SPECC1: variants seen among roughly 807,000 people sequenced by gnomAD.
The protein encoded by SPECC1 is cytospin-B.
SPECC1 carries 62 observed loss-of-function variants against 104.1 expected under a neutral mutation model. The observed-to-expected ratio is 0.60, with a 90% CI of 0.49 to 0.74. The LOEUF (loss-of-function observed/expected upper bound fraction) is 0.74. SPECC1 is among the 30% of genes least tolerant of loss of function. SPECC1 has a pLI of 0.00. For missense variants in SPECC1, 1,306 were observed against 1,310.5 expected (o/e 1.00, Z 0.05); for synonymous variants, 513 against 501.6 (o/e 1.02, Z -0.30).
In SPECC1 at chr17:20,314,757, G is replaced by T. The variant is rs916415250; in HGVS notation, c.*692G>T. The T allele has an allele frequency of 5.2e-6, 1 of 191,022 alleles. No individual in the cohort carries two copies. Among genetic ancestry groups the T allele is most frequent in the South Asian group, 2.1e-4 (1 of 4,750 alleles). The allele number at this position is 191,022 out of a possible 1,614,324, so 11.8% of individuals were successfully genotyped here. A position where few individuals can be genotyped will look rare whatever the true frequency, so the allele number is the denominator to read the frequency against. The stretch of plus-strand genomic sequence containing the variant: ...ATTTGTTCCAGGGCAACCTGGAAAC[G>T]TGCGTGCGCACTCAGCCTTTTGGGG... On this transcript the variant is annotated 3_prime_UTR_variant, in exon 15 of 15. Transcript: ENST00000395527.
chr17:20,076,865 G>A (rs535771849), intron 1 of SPECC1, among the ~76,000 whole-genome samples: 1 of 151,078 alleles, frequency 6.6e-6, no homozygotes, highest in Admixed American at 6.6e-5. Flanking sequence ...AGAACCAGCC[G>A]ACAGTATCAC....
chr17:20,205,672 A>C lies in SPECC1; in HGVS notation c.1623A>C (p.Arg541Ser), dbSNP rs112787638. The C allele has an allele frequency of 2.5e-6, 4 of 1,614,228 alleles. No individual in the cohort carries two copies. The highest frequency in any genetic ancestry group is 4.5e-5 in the East Asian group (2 of 44,880). Residue 541 changes from arginine (R) to serine (S), a missense_variant, in exon 4 of 15, where the codon AGA becomes AGC. Transcript: ENST00000395527. Reference sequence around the variant, plus strand: ...TGGCCAAAACTTTGGAAGAGTGTAGAGTTACCTTGGAAGGGCTAAAAATGG... The same window carrying C: ...TGGCCAAAACTTTGGAAGAGTGTAGCGTTACCTTGGAAGGGCTAAAAATGG... ...NMMAKTLEEC[R>S]VTLEGLKMEN... is the part of the protein sequence containing the mutation.
chr17:20,156,317 C>G (rs2032516813), intron 3 of SPECC1: 3 of 1,291,738 alleles, frequency 2.3e-6, no homozygotes, highest in Non-Finnish European at 3.0e-6. Context: ...GCCTCCGGCT[C>G]GCGGCGCCGA....
intron 3 of SPECC1, chr17:20,185,179 C>T (rs2107565): frequency 0.43 from 65,924 of 152,116 alleles, 14,862 homozygotes; most frequent in East Asian, 0.8. Flanking sequence ...TTGCATTTTC[C>T]AGCTGAGGCT....
intron 3 of SPECC1, among the ~76,000 whole-genome samples, chr17:20,116,666 TC>T (rs1465081642): frequency 6.6e-6 from 1 of 152,166 alleles, no homozygotes; most frequent in Non-Finnish European, 1.5e-5. Flanking sequence ...GAATTCCTTT[TC>T]ATCTTGATTC....
At chr17:20,125,621 T>C (rs867492390) in intron 3 of SPECC1, among the ~76,000 whole-genome samples, 10 of 152,380 alleles carry the variant, frequency 6.6e-5, no homozygotes, top group Middle Eastern at 3.4e-3. Context: ...AGTGAGATCA[T>C]ACAGTATCCT....
chr17:20,205,113 G>A lies in SPECC1; in HGVS notation c.1064G>A (p.Cys355Tyr). Reference sequence around the variant, plus strand: ...AGTAACCCCTTTAAGAGTTCAAAGTGTTCTACTGCTGGGAGTTCCCCAAAC... The same window carrying A: ...AGTAACCCCTTTAAGAGTTCAAAGTATTCTACTGCTGGGAGTTCCCCAAAC... Reference protein sequence around the residue: ...STSNPFKSSKCSTAGSSPNSV... With the variant: ...STSNPFKSSKYSTAGSSPNSV... Residue 355 changes from cysteine to tyrosine, a missense_variant, in exon 4 of 15, where the codon TGT (cysteine) becomes TAT (tyrosine). Transcript: ENST00000395527. The A allele has an allele frequency of 6.2e-7, 1 of 1,614,188 alleles. No individual in the cohort carries two copies. Among genetic ancestry groups the A allele is most frequent in the East Asian group, 2.2e-5 (1 of 44,882 alleles).
Position 20,195,650 on chromosome 17 carries a change from C to T in SPECC1, c.284-8683C>T, listed in dbSNP as rs184366343. 1.7e-4 allele frequency among the ~76,000 whole-genome samples: 26 copies of T among 151,926 alleles called. 1 individual carries two copies. Among genetic ancestry groups the T allele is most frequent in the South Asian group, 1.5e-3 (7 of 4,804 alleles). ...TTGGCTCACTGCAACCTCTGCCTCC[C>T]GGGTTCAAACAGTTCTCCTGCCTCA... On this transcript the variant is annotated intron_variant, in intron 3 of 14. Transcript: ENST00000395527.
chr17:20,110,626 G>GTGACCCA lies in SPECC1; in HGVS notation c.283+73_283+79dup. 1.3e-6 allele frequency: 2 copies of GTGACCCA among 1,520,506 alleles called. 1 individual carries two copies. Among genetic ancestry groups the GTGACCCA allele is most frequent in the South Asian group, 2.5e-5 (2 of 79,306 alleles). 94.2% of individuals were successfully genotyped at this position (1,520,506 alleles called of 1,614,324 possible). A position where few individuals can be genotyped will look rare whatever the true frequency, so the allele number is the denominator to read the frequency against. On this transcript the variant is annotated intron_variant, in intron 3 of 14. Coordinates refer to ENST00000395527, the MANE Select transcript of SPECC1 (RefSeq NM_001243439.2). Reference sequence around the variant, plus strand: ...GTCCTGGCCGCATGGAAGCACTTCAGTGACCCATGACCCATCCATTCCTTC... The same window carrying GTGACCCA: ...GTCCTGGCCGCATGGAAGCACTTCAGTGACCCATGACCCATGACCCATCCATTCCTTC...
chr17:20,120,154 G>A (rs1311180106), intron 3 of SPECC1, among the ~76,000 whole-genome samples: 6 of 152,182 alleles, frequency 3.9e-5, no homozygotes, highest in African/African-American at 7.2e-5. Context: ...CTGGGAGGCC[G>A]AGGCAGGCGG....
intron 7 of SPECC1, among the ~76,000 whole-genome samples, chr17:20,234,323 C>T (rs546321139): frequency 6.6e-6 from 1 of 152,330 alleles, no homozygotes; most frequent in Non-Finnish European, 1.5e-5. Flanking sequence ...GGCATCAGAA[C>T]GTTTCTGTCT....
At chr17:20,015,057 C>CCAGT (rs2044067017) in intron 1 of SPECC1, among the ~76,000 whole-genome samples, 1 of 152,088 alleles carries the variant, frequency 6.6e-6, no homozygotes, top group Admixed American at 6.6e-5. Flanking sequence ...GCTTGGGCAC[C>CCAGT]ACACTGGCTT....
At chr17:20,301,792 G>A (rs1405971602) in intron 13 of SPECC1, among the ~76,000 whole-genome samples, 5 of 151,970 alleles carry the variant, frequency 3.3e-5, no homozygotes, top group African/African-American at 7.2e-5. Flanking sequence ...TGCAACCTCC[G>A]CCTCCCAAGT....
At chr17:20,161,016 G>C (rs995070567) in intron 3 of SPECC1, among the ~76,000 whole-genome samples, 1 of 152,136 alleles carries the variant, frequency 6.6e-6, no homozygotes, top group African/African-American at 2.4e-5. Flanking sequence ...TTTGAGACCA[G>C]CCTGGCCAAC....
chr17:20,246,147 T>G, intron 8 of SPECC1, 76 bp downstream of exon 8: 135 of 1,535,512 alleles, frequency 8.8e-5, no homozygotes, highest in Non-Finnish European at 1.1e-4. Flanking sequence ...CTACTATCTC[T>G]ACTCCACCCT....
chr17:20,282,192 A>G (rs969376131), intron 12 of SPECC1, among the ~76,000 whole-genome samples: 1 of 152,240 alleles, frequency 6.6e-6, no homozygotes. Flanking sequence ...TGGAGGAAGC[A>G]AGAAAGACAG....
chr17:20,165,438 T>C (rs2033570208), intron 3 of SPECC1, among the ~76,000 whole-genome samples: 1 of 152,250 alleles, frequency 6.6e-6, no homozygotes, highest in Admixed American at 6.5e-5. Flanking sequence ...GTACCACATT[T>C]TCTTTATCCA....
chr17:20,065,651 C>G (rs1367045266), intron 1 of SPECC1, among the ~76,000 whole-genome samples: 1 of 152,204 alleles, frequency 6.6e-6, no homozygotes, highest in Non-Finnish European at 1.5e-5. Flanking sequence ...TGCATAGGCA[C>G]CACAACCATG....
intron 3 of SPECC1, among the ~76,000 whole-genome samples, chr17:20,146,969 T>C (rs1444973235): frequency 6.6e-6 from 1 of 152,206 alleles, no homozygotes; most frequent in African/African-American, 2.4e-5. Flanking sequence ...ATTTTGCATT[T>C]CCACCAGCAA....
Sources: allele counts gnomAD v4.1 joint callset (sites outside exome capture counted in the v4.1 genomes callset), GRCh38; gene constraint gnomAD v4.1.1; transcripts MANE v1.5; gene names NCBI Gene and HGNC (gene_info 2026-07-23, HGNC 2026-07-21).